USP17L1: variants seen among roughly 807,000 people sequenced by gnomAD.
The protein encoded by USP17L1 is ubiquitin specific peptidase 17 like family member 1.
Under a neutral mutation model 31.4 loss-of-function variants are expected in USP17L1, and 42 were observed. The ratio of observed to expected loss-of-function variants is 1.34; its 90% CI spans 1.05 to 1.73. The LOEUF (loss-of-function observed/expected upper bound fraction) is 1.73. USP17L1 is among the 40% of genes most tolerant of loss of function. The pLI, the probability that USP17L1 is intolerant of heterozygous loss-of-function variation, is 0.00. For missense variants in USP17L1, 576 were observed against 495.8 expected (o/e 1.16, Z -1.54); for synonymous variants, 230 against 194.4 (o/e 1.18, Z -1.52).
Position 7,332,934 on chromosome 8 carries a change from T to C in USP17L1, c.548T>C (p.Val183Ala), listed in dbSNP as rs1459731262. 6.4e-7 allele frequency: 1 copy of C among 1,559,214 alleles called. No homozygotes were observed. Among genetic ancestry groups the C allele is most frequent in the Non-Finnish European group, 8.6e-7 (1 of 1,167,382 alleles). Reference protein sequence around the residue: ...KKACLPGHKQVDHHCKDTTLI... With the variant: ...KKACLPGHKQADHHCKDTTLI... ...GCATGCCTTCCCGGCCACAAGCAGGTAGATCATCACTGCAAGGACACCACC... is the reference window on the plus strand; with the variant it reads ...GCATGCCTTCCCGGCCACAAGCAGGCAGATCATCACTGCAAGGACACCACC... Residue 183 changes from valine to alanine, a missense_variant, in exon 1 of 1, where the codon GTA becomes GCA. Physicochemically the swap from Val to Ala is moderately conservative, Grantham distance 64. Coordinates refer to ENST00000529559, the MANE Select transcript of USP17L1 (RefSeq NM_001256873.1).
At position 7,332,501 on chromosome 8, in the gene USP17L1, G is replaced by A; in HGVS notation, c.115G>A (p.Glu39Lys). 1 of 527,136 alleles carries A rather than the reference G, an allele frequency of 1.9e-6. No homozygotes were observed. The highest frequency in any genetic ancestry group is 3.2e-6 in the Non-Finnish European group (1 of 315,420). 32.7% of individuals were successfully genotyped at this position (527,136 alleles called of 1,614,324 possible). ...FAEIQRTSLP[E>K]KSPLSSETRV... is the part of the protein sequence containing the mutation. ...TGAAATCCAGCGGACTTCTCTCCCT[G>A]AGAAGTCACCACTCTCATCTGAGAC... The change falls in exon 1 of 1, where the codon GAG (glutamate) becomes AAG (lysine). Residue 39 changes from glutamate to lysine, a missense_variant. Physicochemically the swap from Glu to Lys is moderately conservative, Grantham distance 56 (BLOSUM62 1). Coordinates refer to ENST00000529559, the MANE Select transcript of USP17L1 (RefSeq NM_001256873.1).
chr8:7,333,424 G>A, the USP17L1 span: 1 of 1,572,374 alleles, frequency 6.4e-7, no homozygotes, highest in Admixed American at 1.7e-5. Flanking sequence ...AAGTCCAGTG[G>A]TATAAAATGG....
Position 7,333,889 on chromosome 8 carries a change from C to A in USP17L1, c.1503C>A (p.Asn501Lys). The change falls in exon 1 of 1, where the codon AAC becomes AAA. Residue 501 changes from asparagine to lysine, a missense_variant. Physicochemically the swap from Asn to Lys is moderately conservative, Grantham distance 94. Coordinates refer to ENST00000529559, the MANE Select transcript of USP17L1 (RefSeq NM_001256873.1). ...CCCGGACAGATCAGGAGTCCATGAA[C>A]ACTGGCACACTCGCTTCTCTGCAAG... ...STTRTDQESM[N>K]TGTLASLQGR... 4.0e-6 allele frequency: 6 copies of A among 1,495,692 alleles called. No homozygotes were observed. The highest frequency in any genetic ancestry group is 5.4e-6 in the Non-Finnish European group (6 of 1,103,134). 92.7% of individuals were successfully genotyped at this position (1,495,692 alleles called of 1,614,324 possible). A position where few individuals can be genotyped will look rare whatever the true frequency, so the allele number is the denominator to read the frequency against.
Position 7,333,013 on chromosome 8 carries a change from C to G in USP17L1, c.627C>G (p.His209Gln), listed in dbSNP as rs776521155. ...GCWRSQIKCL[H>Q]CHGISDTFDP... ...GGAGATCTCAAATCAAGTGTCTCCA[C>G]TGCCACGGGATTTCAGACACTTTTG... The change falls in exon 1 of 1, where the codon CAC becomes CAG. Residue 209 changes from histidine to glutamine, a missense_variant. His to Gln is a conservative substitution (Grantham distance 24, BLOSUM62 0). Coordinates refer to ENST00000529559, the MANE Select transcript of USP17L1 (RefSeq NM_001256873.1). The G allele has an allele frequency of 8.1e-7, 1 of 1,242,156 alleles. No individual in the cohort carries two copies. Among genetic ancestry groups the G allele is most frequent in the Admixed American group, 1.8e-5 (1 of 54,172 alleles). 76.9% of individuals were successfully genotyped at this position (1,242,156 alleles called of 1,614,324 possible).
In USP17L1 at chr8:7,333,006, G is replaced by A. The variant is rs1471497755; in HGVS notation, c.620G>A (p.Cys207Tyr). The A allele has an allele frequency of 3.0e-6, 4 of 1,344,102 alleles. 1 individual carries two copies. Among genetic ancestry groups the A allele is most frequent in the East Asian group, 4.8e-5 (2 of 41,910 alleles). The allele number at this position is 1,344,102 out of a possible 1,614,324, so 83.3% of individuals were successfully genotyped here. ...FGGCWRSQIKCLHCHGISDTF... is the reference protein window; with the variant it reads ...FGGCWRSQIKYLHCHGISDTF... ...GGCTGCTGGAGATCTCAAATCAAGT[G>A]TCTCCACTGCCACGGGATTTCAGAC... Residue 207 changes from cysteine to tyrosine, a missense_variant, in exon 1 of 1, where the codon TGT (cysteine) becomes TAT (tyrosine). By Grantham distance (194) the Cys-to-Tyr change is radical. Coordinates refer to ENST00000529559, the MANE Select transcript of USP17L1 (RefSeq NM_001256873.1).
chr8:7,332,989 G>T lies in USP17L1; in HGVS notation c.603G>T (p.Trp201Cys). The T allele has an allele frequency of 6.6e-7, 1 of 1,521,990 alleles. No homozygotes were observed. The highest frequency in any genetic ancestry group is 1.1e-5 in the South Asian group (1 of 88,562). The allele number at this position is 1,521,990 out of a possible 1,614,324, so 94.3% of individuals were successfully genotyped here. A position where few individuals can be genotyped will look rare whatever the true frequency, so the allele number is the denominator to read the frequency against. The change falls in exon 1 of 1, where the codon TGG becomes TGT. Residue 201 changes from tryptophan to cysteine, a missense_variant. Transcript: ENST00000529559. ...TCCACCAAATATTTGGAGGCTGCTG[G>T]AGATCTCAAATCAAGTGTCTCCACT... ...TLIHQIFGGC[W>C]RSQIKCLHCH...
Position 7,333,718 on chromosome 8 carries a change from C to A in USP17L1, c.1332C>A (p.Asn444Lys). The A allele has an allele frequency of 6.3e-7, 1 of 1,586,764 alleles. No homozygotes were observed. Among genetic ancestry groups the A allele is most frequent in the South Asian group, 1.1e-5 (1 of 90,026 alleles). ...LDHWKFLQEQ[N>K]KTKPEFNVGK... ...ACTGGAAATTCCTGCAAGAGCAAAA[C>A]AAAACGAAGCCTGAGTTCAACGTCG... Residue 444 changes from asparagine (N) to lysine (K), a missense_variant, in exon 1 of 1, where the codon AAC becomes AAA. Transcript: ENST00000529559.
chr8:7,333,396 C>A lies in USP17L1; in HGVS notation c.1010C>A (p.Ser337Tyr). The change falls in exon 1 of 1, where the codon TCC (serine) becomes TAC (tyrosine). Residue 337 changes from serine (S) to tyrosine (Y), a missense_variant. Ser to Tyr is a moderately radical substitution (Grantham distance 144). Coordinates refer to ENST00000529559, the MANE Select transcript of USP17L1 (RefSeq NM_001256873.1). ...GWSCHDGHYF[S>Y]YVKAQEVQWY... ...AGTTGTCACGACGGACATTACTTCT[C>A]CTATGTCAAAGCTCAAGAAGTCCAG... 1.1e-5 allele frequency: 18 copies of A among 1,574,478 alleles called. No individual in the cohort carries two copies. Among genetic ancestry groups the A allele is most frequent in the Non-Finnish European group, 1.5e-5 (18 of 1,171,672 alleles).
At chr8:7,333,799 C>G in the USP17L1 span, 18 of 1,462,464 alleles carry the variant, frequency 1.2e-5, 1 homozygote, top group Admixed American at 3.5e-5. Context: ...AATCAAAATA[C>G]AAGTGTGGGA....
chr8:7,333,387 A>G lies in USP17L1; in HGVS notation c.1001A>G (p.His334Arg), dbSNP rs1405406747. The change falls in exon 1 of 1, where the codon CAT becomes CGT. Residue 334 changes from histidine to arginine, a missense_variant. By Grantham distance (29) the His-to-Arg change is conservative (BLOSUM62 0). Transcript: ENST00000529559. The part of the protein sequence containing the change: ...VHAGWSCHDG[H>R]YFSYVKAQEV... Reference sequence around the variant, plus strand: ...GCTGGGTGGAGTTGTCACGACGGACATTACTTCTCCTATGTCAAAGCTCAA... The same window carrying G: ...GCTGGGTGGAGTTGTCACGACGGACGTTACTTCTCCTATGTCAAAGCTCAA... 6.4e-7 allele frequency: 1 copy of G among 1,573,390 alleles called. No homozygotes were observed. The highest frequency in any genetic ancestry group is 8.5e-7 in the Non-Finnish European group (1 of 1,171,082).
Position 7,332,891 on chromosome 8 carries a change from G to A in USP17L1, c.505G>A (p.Val169Met). The A allele has an allele frequency of 1.4e-6, 2 of 1,436,356 alleles. No homozygotes were observed. Among genetic ancestry groups the A allele is most frequent in the Non-Finnish European group, 9.4e-7 (1 of 1,066,486 alleles). The allele number at this position is 1,436,356 out of a possible 1,614,324, so 89.0% of individuals were successfully genotyped here. The part of the protein sequence containing the change: ...EDVHEFLMFT[V>M]DAMKKACLPG... Reference sequence around the variant, plus strand: ...TGTCCATGAATTTCTCATGTTCACTGTGGATGCCATGAAAAAGGCATGCCT... The same window carrying A: ...TGTCCATGAATTTCTCATGTTCACTATGGATGCCATGAAAAAGGCATGCCT... Residue 169 changes from valine (V) to methionine (M), a missense_variant, in exon 1 of 1, where the codon GTG becomes ATG. Physicochemically the swap from Val to Met is conservative, Grantham distance 21 (BLOSUM62 1). Transcript: ENST00000529559.
At position 7,333,037 on chromosome 8, in the gene USP17L1, T is replaced by C; in HGVS notation, c.651T>C (p.Phe217=). ...CLHCHGISDT[F]DPYLDIALDI... ...ACTGCCACGGGATTTCAGACACTTT[T>C]GACCCTTACCTGGACATCGCCCTGG... Residue 217 remains phenylalanine (F), a synonymous_variant, in exon 1 of 1, where the codon TTT becomes TTC. Coordinates refer to ENST00000529559, the MANE Select transcript of USP17L1 (RefSeq NM_001256873.1). 8.8e-7 allele frequency: 1 copy of C among 1,138,238 alleles called. No individual in the cohort carries two copies. Among genetic ancestry groups the C allele is most frequent in the Non-Finnish European group, 1.2e-6 (1 of 811,448 alleles). 70.5% of individuals were successfully genotyped at this position (1,138,238 alleles called of 1,614,324 possible). A position where few individuals can be genotyped will look rare whatever the true frequency, so the allele number is the denominator to read the frequency against.
Position 7,333,590 on chromosome 8 carries a change from C to A in USP17L1, c.1204C>A (p.Arg402=), listed in dbSNP as rs575331454. The change falls in exon 1 of 1, where the codon CGA becomes AGA. Residue 402 remains arginine (R), a synonymous_variant. Coordinates refer to ENST00000529559, the MANE Select transcript of USP17L1 (RefSeq NM_001256873.1). ...CCTCGGCGCTGAAGACACAGACAGG[C>A]GAGCAAAGCAAGGAGAGCTCAAGAG... ...RALGAEDTDR[R]AKQGELKRDH... is the part of the protein sequence containing the mutation. 5.4e-6 allele frequency: 8 copies of A among 1,472,400 alleles called. No individual in the cohort carries two copies. The highest frequency in any genetic ancestry group is 4.6e-5 in the South Asian group (4 of 87,364). 91.2% of individuals were successfully genotyped at this position (1,472,400 alleles called of 1,614,324 possible).
Position 7,332,766 on chromosome 8 carries a change from C to G in USP17L1, c.380C>G (p.Thr127Ser), listed in dbSNP as rs1211132646. The G allele has an allele frequency of 3.2e-6, 2 of 622,780 alleles. No homozygotes were observed. Among genetic ancestry groups the G allele is most frequent in the Non-Finnish European group, 2.7e-6 (1 of 374,328 alleles). 38.6% of individuals were successfully genotyped at this position (622,780 alleles called of 1,614,324 possible). The stretch of plus-strand genomic sequence containing the variant: ...CGTCCCAAGTGCTGCATGCTCTGTA[C>G]TATGCAAGCTCACATCACATGGGCC... Reference protein sequence around the residue: ...CQRPKCCMLCTMQAHITWALH... With the variant: ...CQRPKCCMLCSMQAHITWALH... Residue 127 changes from threonine to serine, a missense_variant, in exon 1 of 1, where the codon ACT (threonine) becomes AGT (serine). Coordinates refer to ENST00000529559, the MANE Select transcript of USP17L1 (RefSeq NM_001256873.1).
At position 7,333,149 on chromosome 8, in the gene USP17L1, G is replaced by A. The variant is rs543555499; in HGVS notation, c.763G>A (p.Gly255Ser). 2.6e-4 allele frequency: 201 copies of A among 783,346 alleles called. 5 individuals carry two copies. Among genetic ancestry groups the A allele is most frequent in the Admixed American group, 8.2e-4 (39 of 47,484 alleles). The allele number at this position is 783,346 out of a possible 1,614,324, so 48.5% of individuals were successfully genotyped here. A position where few individuals can be genotyped will look rare whatever the true frequency, so the allele number is the denominator to read the frequency against. The change falls in exon 1 of 1, where the codon GGT becomes AGT. Residue 255 changes from glycine to serine, a missense_variant. Coordinates refer to ENST00000529559, the MANE Select transcript of USP17L1 (RefSeq NM_001256873.1). The part of the protein sequence containing the change: ...ELNGENAYHC[G>S]LCLQRAPASN... ...CAATGGAGAGAATGCCTATCATTGC[G>A]GTCTTTGTCTCCAGAGGGCGCCGGC...
rs779911054 is a variant in USP17L1 at position 7,333,730 on chromosome 8, T to C, written c.1344T>C (p.Pro448=). The C allele has an allele frequency of 2.5e-6, 4 of 1,585,720 alleles. No individual in the cohort carries two copies. The Admixed American group carries it at 5.1e-5, about 20-fold the overall frequency. ...TGCAAGAGCAAAACAAAACGAAGCCTGAGTTCAACGTCGGAAAAGTCGAAG... is the reference window on the plus strand; with the variant it reads ...TGCAAGAGCAAAACAAAACGAAGCCCGAGTTCAACGTCGGAAAAGTCGAAG... ...KFLQEQNKTK[P]EFNVGKVEGT... is the part of the protein sequence containing the mutation. The change falls in exon 1 of 1, where the codon CCT becomes CCC. Residue 448 remains proline (P), a synonymous_variant. Transcript: ENST00000529559.
Position 7,332,914 on chromosome 8 carries a change from C to T in USP17L1, c.528C>T (p.Cys176=), listed in dbSNP as rs1179681001. Residue 176 remains cysteine (C), a synonymous_variant, in exon 1 of 1, where the codon TGC becomes TGT. Coordinates refer to ENST00000529559, the MANE Select transcript of USP17L1 (RefSeq NM_001256873.1). ...CTGTGGATGCCATGAAAAAGGCATG[C>T]CTTCCCGGCCACAAGCAGGTAGATC... ...MFTVDAMKKA[C]LPGHKQVDHH... is the part of the protein sequence containing the mutation. 4.6e-6 allele frequency: 7 copies of T among 1,531,806 alleles called. No homozygotes were observed. Among genetic ancestry groups the T allele is most frequent in the South Asian group, 2.2e-5 (2 of 88,990 alleles). The allele number at this position is 1,531,806 out of a possible 1,614,324, so 94.9% of individuals were successfully genotyped here. A position where few individuals can be genotyped will look rare whatever the true frequency, so the allele number is the denominator to read the frequency against.
In USP17L1 at chr8:7,332,722, G is replaced by A; in HGVS notation, c.336G>A (p.Glu112=). 1.8e-6 allele frequency: 1 copy of A among 569,932 alleles called. No individual in the cohort carries two copies. Among genetic ancestry groups the A allele is most frequent in the Middle Eastern group, 4.0e-4 (1 of 2,472 alleles). The allele number at this position is 569,932 out of a possible 1,614,324, so 35.3% of individuals were successfully genotyped here. A position where few individuals can be genotyped will look rare whatever the true frequency, so the allele number is the denominator to read the frequency against. Residue 112 remains glutamate, a synonymous_variant, in exon 1 of 1, where the codon GAG becomes GAA. Coordinates refer to ENST00000529559, the MANE Select transcript of USP17L1 (RefSeq NM_001256873.1). ...LPLANYMLSR[E]HSQTCQRPKC... is the part of the protein sequence containing the mutation. Reference sequence around the variant, plus strand: ...TTGCCAACTACATGCTGTCCCGGGAGCACTCTCAAACATGTCAGCGTCCCA... The same window carrying A: ...TTGCCAACTACATGCTGTCCCGGGAACACTCTCAAACATGTCAGCGTCCCA...
chr8:7,332,922 G>A lies in USP17L1; in HGVS notation c.536G>A (p.Gly179Asp), dbSNP rs1404435849. ...VDAMKKACLP[G>D]HKQVDHHCKD... ...GCCATGAAAAAGGCATGCCTTCCCGGCCACAAGCAGGTAGATCATCACTGC... is the reference window on the plus strand; with the variant it reads ...GCCATGAAAAAGGCATGCCTTCCCGACCACAAGCAGGTAGATCATCACTGC... The change falls in exon 1 of 1, where the codon GGC becomes GAC. Residue 179 changes from glycine (G) to aspartate (D), a missense_variant. Physicochemically the swap from Gly to Asp is moderately conservative, Grantham distance 94. Transcript: ENST00000529559. The A allele has an allele frequency of 1.9e-6, 3 of 1,547,674 alleles. No homozygotes were observed. Among genetic ancestry groups the A allele is most frequent in the Non-Finnish European group, 1.7e-6 (2 of 1,158,948 alleles).
Sources: gnomAD v4.1 joint callset for allele counts on GRCh38, gnomAD v4.1.1 for gene constraint, MANE v1.5 for transcripts, NCBI Gene and HGNC (gene_info 2026-07-23, HGNC 2026-07-21) for gene names.